Variants in ANKRD11 observed in about 807,000 individuals in gnomAD.
ANKRD11 encodes ankyrin repeat domain-containing protein 11.
In ANKRD11, 17 loss-of-function variants were observed where a neutral mutation model predicts 195.7. The ratio of observed to expected loss-of-function variants is 0.09; its 90% CI spans 0.06 to 0.13. The LOEUF (loss-of-function observed/expected upper bound fraction) is 0.13, where lower values mean the gene tolerates loss of function less well. Ranked by LOEUF, ANKRD11 falls within the 10% of genes least tolerant of loss-of-function variation. The probability of loss-of-function intolerance (pLI) is 1.00; values close to 1 mark genes in which losing one functional copy is unlikely to be tolerated. For synonymous variants in ANKRD11, 1,953 were observed against 1,528.1 expected, an observed-to-expected ratio of 1.28 and a Z score of -6.49; for missense variants, 3,735 against 3,566.1, an observed-to-expected ratio of 1.05 and a Z score of -1.21.
chr16:89,316,146 C>G (rs566513324), intron 3 of ANKRD11, among the ~76,000 whole-genome samples: 1 of 152,290 alleles, frequency 6.6e-6, no homozygotes, highest in East Asian at 1.9e-4. Flanking sequence ...ACATCCTGCA[C>G]AGCAAGGCCC....
In ANKRD11 at chr16:89,321,510, C is replaced by A. The variant is rs1307143907; in HGVS notation, c.-59-4432G>T. On this transcript the variant is annotated intron_variant, in intron 2 of 12. Transcript: ENST00000301030. ...GGGAGCCGCAGCTGCGGGGCAGGGG[C>A]TGCCCAGGAGCACTCCTTGCCAGAG... 2.0e-5 allele frequency among the ~76,000 whole-genome samples: 3 copies of A among 152,162 alleles called. No homozygotes were observed. The East Asian group carries it at 5.8e-4, about 29-fold the overall frequency.
intron 2 of ANKRD11, among the ~76,000 whole-genome samples, chr16:89,380,713 C>T (rs998835367): frequency 5.3e-5 from 8 of 152,218 alleles, no homozygotes; most frequent in Admixed American, 4.6e-4. Context: ...TGCCTGCTTT[C>T]CAGGGAAGAG....
chr16:89,382,296 A>G (rs1339766257), intron 2 of ANKRD11, among the ~76,000 whole-genome samples: 1 of 151,610 alleles, frequency 6.6e-6, no homozygotes, highest in East Asian at 1.9e-4. Context: ...CTTAAACTAG[A>G]CAGCCAGGCA....
Position 89,283,552 on chromosome 16 carries a change from A to G in ANKRD11, c.2990T>C (p.Leu997Pro), listed in dbSNP as rs774075408. 10 of 1,612,302 alleles carry G rather than the reference A, an allele frequency of 6.2e-6. No individual in the cohort carries two copies. The highest frequency in any genetic ancestry group is 8.5e-6 in the Non-Finnish European group (10 of 1,179,996). Residue 997 changes from leucine to proline, a missense_variant, in exon 9 of 13, where the codon CTG becomes CCG. Physicochemically the swap from Leu to Pro is moderately conservative, Grantham distance 98. Coordinates refer to ENST00000301030, the MANE Select transcript of ANKRD11 (RefSeq NM_013275.6). The surrounding 1 kb of genome is among the most constrained non-coding windows in gnomAD (Gnocchi z 4.3). ...DKSDGDFGKG[L>P]EPWERHHPAR... ...TGGGTGGTGCCGTTCCCACGGCTCC[A>G]GGCCCTTCCCAAAGTCGCCGTCGGA... is the stretch of plus-strand genomic sequence containing the variant.
At chr16:89,380,162 G>C (rs1036573151) in intron 2 of ANKRD11, among the ~76,000 whole-genome samples, 3 of 152,100 alleles carry the variant, frequency 2.0e-5, no homozygotes, top group Non-Finnish European at 4.4e-5. Context: ...ACCCAGGCTG[G>C]AGAGCGATGG....
intron 2 of ANKRD11, among the ~76,000 whole-genome samples, chr16:89,384,885 T>TTTTTTTTTTTTTC (rs1567729631): frequency 9.1e-6 from 1 of 109,954 alleles, no homozygotes; most frequent in African/African-American, 3.8e-5. Flanking sequence ...TTTTCTTTTT[T>TTTTTTTTTTTTTC]TTTTTTTTTT....
chr16:89,388,032 T>C (rs2041001177), intron 2 of ANKRD11, among the ~76,000 whole-genome samples: 1 of 149,806 alleles, frequency 6.7e-6, no homozygotes. Flanking sequence ...AAAAAAGGAC[T>C]GTGCTCATCT....
chr16:89,279,575 C>T lies in ANKRD11; in HGVS notation c.6967G>A (p.Ala2323Thr), dbSNP rs1188790641. 6.9e-7 allele frequency: 1 copy of T among 1,453,200 alleles called. No individual in the cohort carries two copies. Among genetic ancestry groups the T allele is most frequent in the Non-Finnish European group, 9.1e-7 (1 of 1,095,076 alleles). 90.0% of individuals were successfully genotyped at this position (1,453,200 alleles called of 1,614,324 possible). A position where few individuals can be genotyped will look rare whatever the true frequency, so the allele number is the denominator to read the frequency against. ...TCCTCCACTCGGGGGGCCTTCGGGG[C>T]TTCGGCCGTGGGTTTTGGTTCTGCG... ...EAAEPKPTAE[A>T]PKAPRVEEIP... Residue 2323 changes from alanine to threonine, a missense_variant, in exon 9 of 13, where the codon GCC becomes ACC. Ala to Thr is a moderately conservative substitution (Grantham distance 58). Transcript: ENST00000301030. This position sits in a 1 kb window ranked among gnomAD's most constrained non-coding sequence, Gnocchi z 5.6.
chr16:89,313,633 A>G, intron 3 of ANKRD11: 2 of 1,282,528 alleles, frequency 1.6e-6, no homozygotes, highest in Non-Finnish European at 2.0e-6. Context: ...ATATCTGGAG[A>G]AAAGGGAGTT....
chr16:89,287,145 G>A, intron 7 of ANKRD11: 1 of 1,283,950 alleles, frequency 7.8e-7, no homozygotes, highest in Non-Finnish European at 1.0e-6. Context: ...TTGCAGGGCT[G>A]GGACGGAGGT....
rs1567573742 is a variant in ANKRD11, at chr16:89,283,183, G to A, written c.3359C>T (p.Thr1120Ile). The A allele has an allele frequency of 3.1e-6, 5 of 1,614,070 alleles. No homozygotes were observed. The highest frequency in any genetic ancestry group is 4.2e-6 in the Non-Finnish European group (5 of 1,180,032). ...EKSWYIADIF[T>I]DESEDDRDSC... ...GTCTCTGTCGTCCTCACTCTCATCT[G>A]TGAAGATGTCTGCGATGTACCAGCT... The change falls in exon 9 of 13, where the codon ACA becomes ATA. Residue 1120 changes from threonine (T) to isoleucine (I), a missense_variant. Transcript: ENST00000301030. This position sits in a 1 kb window ranked among gnomAD's most constrained non-coding sequence, Gnocchi z 4.3.
At chr16:89,349,768 C>T (rs991017286) in intron 2 of ANKRD11, among the ~76,000 whole-genome samples, 1 of 151,750 alleles carries the variant, frequency 6.6e-6, no homozygotes, top group Non-Finnish European at 1.5e-5. Context: ...GTACCCAAGA[C>T]AAAACTATGA....
intron 2 of ANKRD11, among the ~76,000 whole-genome samples, chr16:89,331,207 G>C (rs148104261): frequency 2.5e-3 from 387 of 152,326 alleles, no homozygotes; most frequent in African/African-American, 8.7e-3. Context: ...GCCTGCTTTG[G>C]ATTCCCAAAG....
At chr16:89,349,441 C>T (rs1420862562) in intron 2 of ANKRD11, among the ~76,000 whole-genome samples, 1 of 152,122 alleles carries the variant, frequency 6.6e-6, no homozygotes, top group African/African-American at 2.4e-5. Context: ...GATCGCGCCA[C>T]TGCACTCCAG....
At chr16:89,445,228 G>A (rs2043731137) in intron 1 of ANKRD11, among the ~76,000 whole-genome samples, 1 of 152,220 alleles carries the variant, frequency 6.6e-6, no homozygotes, top group South Asian at 2.1e-4. Flanking sequence ...AGGCTGTTTG[G>A]ACATGGCATT....
intron 2 of ANKRD11, among the ~76,000 whole-genome samples, chr16:89,325,461 TCTCTCTCTCA>T (rs1348322653): frequency 3.6e-5 from 5 of 138,928 alleles, no homozygotes; most frequent in South Asian, 2.3e-4. Context: ...TCTCTCTCTC[TCTCTCTCTCA>T]CACACACACA....
intron 1 of ANKRD11, among the ~76,000 whole-genome samples, chr16:89,427,885 G>C (rs1455576330): frequency 6.6e-6 from 1 of 152,040 alleles, no homozygotes; most frequent in Non-Finnish European, 1.5e-5. Flanking sequence ...CAAGGGCACT[G>C]ATTTGACAGT....
At chr16:89,295,930 G>A (rs1682327273) in intron 4 of ANKRD11, among the ~76,000 whole-genome samples, 1 of 132,980 alleles carries the variant, frequency 7.5e-6, no homozygotes, top group Non-Finnish European at 1.6e-5. Flanking sequence ...GGATTGGGGG[G>A]GGCTGTGAAC....
chr16:89,311,183 G>A (rs2036590222), intron 3 of ANKRD11, among the ~76,000 whole-genome samples: 1 of 152,194 alleles, frequency 6.6e-6, no homozygotes, highest in Non-Finnish European at 1.5e-5. Flanking sequence ...ATAACAACTT[G>A]AACTGATTGA....
Sources: allele counts gnomAD v4.1 joint callset (sites outside exome capture counted in the v4.1 genomes callset), GRCh38; gene constraint gnomAD v4.1.1; non-coding constraint Gnocchi (gnomAD v3.1); transcripts MANE v1.5; gene names NCBI Gene and HGNC (gene_info 2026-07-23, HGNC 2026-07-21).